NEB: variants seen among roughly 807,000 people sequenced by gnomAD.
The protein encoded by NEB is nemaline myopathy type 2.
A neutral mutation model predicts 952.2 loss-of-function variants in NEB; 512 were observed. That is an observed-to-expected ratio of 0.54 (90% CI 0.50 to 0.58). The LOEUF (loss-of-function observed/expected upper bound fraction) is 0.58. Among genes scored for constraint, NEB ranks in the 20% least tolerant of loss-of-function variants. The probability of loss-of-function intolerance (pLI) is 0.00; values close to 1 mark genes in which losing one functional copy is unlikely to be tolerated. For missense variants in NEB, 8,428 were observed against 9,231.1 expected (o/e 0.91, Z 3.56); for synonymous variants, 2,900 against 3,149.8 (o/e 0.92, Z 2.66).
Position 151,518,996 on chromosome 2 carries a change from T to C in NEB, c.22664A>G (p.His7555Arg). Residue 7555 changes from histidine (H) to arginine (R), a missense_variant, in exon 155 of 182, where the codon CAT becomes CGT. Physicochemically the swap from His to Arg is conservative, Grantham distance 29. This residue lies in a region of NEB where 3,374 missense variants were observed against 3,651.5 expected (regional missense o/e 0.92). Transcript: ENST00000397345. ...GGCAAGTTGGCTTGTATTCAGGACA[T>C]GATTCATGATCAGAGACTCCTTCAT... ...TDMKESLIMN[H>R]VLNTSQLASS... 1.2e-6 allele frequency: 2 copies of C among 1,613,606 alleles called. No homozygotes were observed. Among genetic ancestry groups the C allele is most frequent in the Non-Finnish European group, 1.7e-6 (2 of 1,179,590 alleles).
chr2:151,626,220 TCCTC>T (rs558275246), intron 70 of NEB, among the ~76,000 whole-genome samples: 33 of 152,046 alleles, frequency 2.2e-4, no homozygotes, highest in African/African-American at 8.0e-4. Context: ...GCTCAGGTGA[TCCTC>T]CCACCTCAGC....
chr2:151,566,292 C>T (rs2096390557), intron 114 of NEB, among the ~76,000 whole-genome samples: 1 of 152,216 alleles, frequency 6.6e-6, no homozygotes, highest in Admixed American at 6.5e-5. Context: ...CCCTGGGTCC[C>T]AGCCAAACCT....
At chr2:151,494,558 T>A (rs188261363) in intron 173 of NEB, among the ~76,000 whole-genome samples, 2 of 152,176 alleles carry the variant, frequency 1.3e-5, no homozygotes, top group African/African-American at 2.4e-5. Flanking sequence ...TGAGAGATGA[T>A]CCAAACAGGA....
At chr2:151,710,568 G>T in intron 10 of NEB, 30 bp from the exon 11 acceptor site, 1 of 1,368,326 alleles carries the variant, frequency 7.3e-7, no homozygotes, top group Non-Finnish European at 1.0e-6. Context: ...AATAAGACAA[G>T]CATAACTCAT....
rs373799650 is a variant in NEB, at chr2:151,640,358, G to T, written c.8682C>A (p.Ser2894Arg). The T allele has an allele frequency of 3.7e-6, 6 of 1,613,110 alleles. No individual in the cohort carries two copies. The Admixed American group carries it at 6.7e-5, about 18-fold the overall frequency. Reference sequence around the variant, plus strand: ...TATTATGACTCTCAGTACTCACATCGCTCTGGAGGTCATAGGCCTGCCGAG... The same window carrying T: ...TATTATGACTCTCAGTACTCACATCTCTCTGGAGGTCATAGGCCTGCCGAG... ...IHARQAYDLQ[S>R]DNMYKSDLQW... Residue 2894 changes from serine to arginine, a missense_variant, in exon 61 of 182, where the codon AGC (serine) becomes AGA (arginine). By Grantham distance (110) the Ser-to-Arg change is moderately radical. Transcript: ENST00000397345.
rs749977606 is a variant in NEB, at chr2:151,492,448, G to A, written c.24812C>T (p.Ala8271Val). ...SFRKQIQGKA[A>V]YVLDTPEMRR... Reference sequence around the variant, plus strand: ...CATCTCGGGGGTATCCAATACATAGGCAGCTTTGCCTTGTATTTGTTTCCG... The same window carrying A: ...CATCTCGGGGGTATCCAATACATAGACAGCTTTGCCTTGTATTTGTTTCCG... Residue 8271 changes from alanine to valine, a missense_variant, in exon 177 of 182, where the codon GCC becomes GTC. Transcript: ENST00000397345. The A allele has an allele frequency of 1.6e-5, 25 of 1,612,906 alleles. No individual in the cohort carries two copies. The highest frequency in any genetic ancestry group is 1.9e-5 in the Non-Finnish European group (23 of 1,179,510).
chr2:151,561,988 G>A lies in NEB; in HGVS notation c.18996+122C>T, dbSNP rs140596632. The A allele has an allele frequency of 7.4e-4, 532 of 722,850 alleles. 1 individual carries two copies. Among genetic ancestry groups the A allele is most frequent in the Middle Eastern group, 2.5e-3 (8 of 3,162 alleles). The allele number at this position is 722,850 out of a possible 1,614,324, so 44.8% of individuals were successfully genotyped here. A position where few individuals can be genotyped will look rare whatever the true frequency, so the allele number is the denominator to read the frequency against. On this transcript the variant is annotated intron_variant, in intron 121 of 181. Coordinates refer to ENST00000397345, the MANE Select transcript of NEB (RefSeq NM_001164508.2). The stretch of plus-strand genomic sequence containing the variant: ...AAGAGCTTTGATTGGGAGAGGAGGG[G>A]CTTTGGTCAGTTAGAGCCTACACTG...
chr2:151,635,494 G>T (rs2098740513), intron 64 of NEB, among the ~76,000 whole-genome samples: 2 of 152,098 alleles, frequency 1.3e-5, no homozygotes, highest in Non-Finnish European at 2.9e-5. Context: ...ATCACCTGAG[G>T]TCAAGAATTT....
intron 71 of NEB, among the ~76,000 whole-genome samples, chr2:151,621,810 T>G (rs993012117): frequency 6.6e-6 from 1 of 152,150 alleles, no homozygotes; most frequent in Non-Finnish European, 1.5e-5. Context: ...AACGAAAAAT[T>G]TTAAGTAATT....
In NEB at chr2:151,553,199, T is replaced by C. The variant is rs1212477685; in HGVS notation, c.19731+199A>G. Among the ~76,000 whole-genome samples, 3 of 152,208 alleles carry C rather than the reference T, an allele frequency of 2.0e-5. No homozygotes were observed. The East Asian group carries it at 5.8e-4, about 29-fold the overall frequency. On this transcript the variant is annotated intron_variant, in intron 127 of 181. Coordinates refer to ENST00000397345, the MANE Select transcript of NEB (RefSeq NM_001164508.2). ...TGGTCCCTTCTCCACCAGAGGACGATGGCACACCTGGACTGCAGTTTAATA... is the reference window on the plus strand; with the variant it reads ...TGGTCCCTTCTCCACCAGAGGACGACGGCACACCTGGACTGCAGTTTAATA...
At chr2:151,672,863 C>T (rs140669305) in intron 36 of NEB, among the ~76,000 whole-genome samples, 183 bp from the exon 37 acceptor site, 6 of 152,258 alleles carry the variant, frequency 3.9e-5, no homozygotes, top group East Asian at 1.9e-4. Context: ...GTGAGTGTCA[C>T]GATAAATTCA....
In NEB at chr2:151,666,257, T is replaced by G; in HGVS notation, c.4864A>C (p.Lys1622Gln). ...TCCAGAGGTGTGTGGTACTTGGTCT[T>G]GCTGGCTTCATAGCCCTTTTTGTAC... Reference protein sequence around the residue: ...REYKKGYEASKTKYHTPLDMV... With the variant: ...REYKKGYEASQTKYHTPLDMV... Residue 1622 changes from lysine (K) to glutamine (Q), a missense_variant, in exon 41 of 182, where the codon AAG becomes CAG. Lys to Gln is a moderately conservative substitution (Grantham distance 53, BLOSUM62 1). Coordinates refer to ENST00000397345, the MANE Select transcript of NEB (RefSeq NM_001164508.2). 6.2e-7 allele frequency: 1 copy of G among 1,613,986 alleles called. No individual in the cohort carries two copies. Among genetic ancestry groups the G allele is most frequent in the East Asian group, 2.2e-5 (1 of 44,886 alleles).
intron 50 of NEB, 35 bp downstream of exon 50, chr2:151,655,782 G>A (rs369908508): frequency 1.7e-5 from 27 of 1,599,374 alleles, no homozygotes; most frequent in South Asian, 1.1e-4. Flanking sequence ...CTTTCCTCAC[G>A]TGGGAGCTGT....
At chr2:151,510,535 T>TA in intron 161 of NEB, among the ~76,000 whole-genome samples, 1 of 152,342 alleles carries the variant, frequency 6.6e-6, no homozygotes, top group East Asian at 1.9e-4. Flanking sequence ...CAGTTAACTG[T>TA]AGTCAACCTC....
At chr2:151,681,939 G>A (rs780687464) in intron 29 of NEB, among the ~76,000 whole-genome samples, 19 of 152,050 alleles carry the variant, frequency 1.2e-4, no homozygotes, top group Non-Finnish European at 2.6e-4. Flanking sequence ...TCCCCCAACC[G>A]GTGAAGCAAT....
In NEB at chr2:151,514,438, G is replaced by A. The variant is rs1575745888; in HGVS notation, c.23017-10C>T. On this transcript the variant is annotated splice_polypyrimidine_tract_variant and intron_variant, in intron 158 of 181. Transcript: ENST00000397345. The stretch of plus-strand genomic sequence containing the variant: ...CTTTCCTGTACTCTTTCTATATCAT[G>A]AAAGAAAAGCAACAACATTGACAAG... 2 of 1,578,248 alleles carry A rather than the reference G, an allele frequency of 1.3e-6. No homozygotes were observed. The highest frequency in any genetic ancestry group is 4.5e-5 in the East Asian group (2 of 44,694).
chr2:151,662,902 C>T (rs1050545849), intron 45 of NEB, among the ~76,000 whole-genome samples: 1 of 152,328 alleles, frequency 6.6e-6, no homozygotes, highest in South Asian at 2.1e-4. Context: ...TTCATTCAGG[C>T]ACTTACTACC....
intron 54 of NEB, among the ~76,000 whole-genome samples, chr2:151,648,057 GAA>G (rs1379996835): frequency 6.6e-6 from 1 of 152,128 alleles, no homozygotes; most frequent in Admixed American, 6.5e-5. Context: ...AAGAAAGGGA[GAA>G]AAAGAGACAA....
intron 128 of NEB, 98 bp downstream of exon 128, chr2:151,552,574 A>G (rs2095405919): frequency 1.3e-6 from 1 of 751,252 alleles, no homozygotes; most frequent in African/African-American, 1.8e-5. Context: ...CCAGTTAGAA[A>G]AGACTTGGCA....
Sources: allele counts gnomAD v4.1 joint callset (sites outside exome capture counted in the v4.1 genomes callset), GRCh38; gene constraint gnomAD v4.1.1; regional missense constraint gnomAD v4.1.1; transcripts MANE v1.5; gene names NCBI Gene and HGNC (gene_info 2026-07-23, HGNC 2026-07-21).